SCUBE1: variants seen among roughly 807,000 people sequenced by gnomAD.
SCUBE1 encodes signal peptide, CUB and EGF-like domain-containing protein 1.
In SCUBE1, 59 loss-of-function variants were observed where a neutral mutation model predicts 124.4. That is an observed-to-expected ratio of 0.47 (90% CI 0.38 to 0.59). The LOEUF (loss-of-function observed/expected upper bound fraction) is 0.59. Ranked by LOEUF, SCUBE1 falls within the 20% of genes least tolerant of loss-of-function variation. SCUBE1 has a pLI of 0.00. For missense variants in SCUBE1, 1,150 were observed against 1,371.2 expected (o/e 0.84, Z 2.55); for synonymous variants, 545 against 550.9 (o/e 0.99, Z 0.15).
At chr22:43,323,352 C>A (rs1569030905) in intron 2 of SCUBE1, among the ~76,000 whole-genome samples, 1 of 152,134 alleles carries the variant, frequency 6.6e-6, no homozygotes, top group Non-Finnish European at 1.5e-5. Context: ...CACCCTCAAC[C>A]TATCCATTCA....
Position 43,210,814 on chromosome 22 carries a change from T to G in SCUBE1, c.2383+108A>C. On this transcript the variant is annotated intron_variant, in intron 18 of 21. Transcript: ENST00000360835. The surrounding 1 kb of genome is among the most constrained non-coding windows in gnomAD (Gnocchi z 4.5). The stretch of plus-strand genomic sequence containing the variant: ...AGCAGACGGGACGGAGCGGGAGGAG[T>G]CCAGTGTCCTCGTGGAGCTCGTGTG... 1 of 1,311,030 alleles carries G rather than the reference T, an allele frequency of 7.6e-7. No individual in the cohort carries two copies. The highest frequency in any genetic ancestry group is 2.3e-5 in the East Asian group (1 of 42,594). The allele number at this position is 1,311,030 out of a possible 1,614,324, so 81.2% of individuals were successfully genotyped here.
chr22:43,251,500 C>G (rs1001922725), intron 6 of SCUBE1, among the ~76,000 whole-genome samples: 32 of 152,094 alleles, frequency 2.1e-4, no homozygotes, highest in African/African-American at 7.7e-4. Flanking sequence ...CTGGAGGGGC[C>G]CAGCGTGATC....
At position 43,242,403 on chromosome 22, in the gene SCUBE1, C is replaced by T. The variant is rs530139949; in HGVS notation, c.728-3449G>A. 4.6e-5 allele frequency among the ~76,000 whole-genome samples: 7 copies of T among 152,338 alleles called. No individual in the cohort carries two copies. The South Asian group carries it at 1.2e-3, about 27-fold the overall frequency. ...GAGACAGTAAGAAAGCAGGCCAGGC[C>T]GCCTTTACCATGGGGCCCCTCCAAA... On this transcript the variant is annotated intron_variant, in intron 6 of 21. Transcript: ENST00000360835.
Position 43,286,351 on chromosome 22 carries a change from T to C in SCUBE1, c.484+4695A>G, listed in dbSNP as rs182453672. Among the ~76,000 whole-genome samples the C allele has an allele frequency of 3.4e-3, 524 of 152,352 alleles. 2 individuals carry two copies. Among genetic ancestry groups the C allele is most frequent in the Admixed American group, 8.0e-3 (123 of 15,306 alleles). On this transcript the variant is annotated intron_variant, in intron 4 of 21. Coordinates refer to ENST00000360835, the MANE Select transcript of SCUBE1 (RefSeq NM_173050.5). ...CCCGCTGTGAGCCTGTGCTGTCTCCTACAATGATGGAGACAATGCGACGTT... is the reference window on the plus strand; with the variant it reads ...CCCGCTGTGAGCCTGTGCTGTCTCCCACAATGATGGAGACAATGCGACGTT...
intron 4 of SCUBE1, among the ~76,000 whole-genome samples, chr22:43,268,910 G>A (rs1218809391): frequency 6.6e-6 from 1 of 152,224 alleles, no homozygotes; most frequent in Admixed American, 6.5e-5. Flanking sequence ...AGAGGCTGTT[G>A]CTATCACTCT....
At chr22:43,297,741 C>T (rs538561284) in intron 3 of SCUBE1, among the ~76,000 whole-genome samples, 22 of 152,340 alleles carry the variant, frequency 1.4e-4, no homozygotes, top group African/African-American at 5.1e-4. Flanking sequence ...CTACTTTGGA[C>T]CAAGAGTCCA....
At chr22:43,286,717 G>A (rs1172258793) in intron 4 of SCUBE1, among the ~76,000 whole-genome samples, 1 of 152,206 alleles carries the variant, frequency 6.6e-6, no homozygotes, top group East Asian at 1.9e-4. Context: ...CAGGCTGAAA[G>A]CTTCCCAGTG....
chr22:43,219,231 G>A (rs138998), intron 14 of SCUBE1, among the ~76,000 whole-genome samples: 1 of 151,644 alleles, frequency 6.6e-6, no homozygotes, highest in Non-Finnish European at 1.5e-5. Context: ...TCTACTAGTC[G>A]CCACGAGATG....
At chr22:43,214,047 G>GGGC in intron 16 of SCUBE1, 43 bp downstream of exon 16, 2 of 143,440 alleles carry the variant, frequency 1.4e-5, no homozygotes, top group Non-Finnish European at 1.3e-5. Context: ...AGGAGCCCCC[G>GGGC]CCCACCCCCC....
rs768188803 is a variant in SCUBE1, at chr22:43,308,947, C to T, written c.349+10990G>A. Reference sequence around the variant, plus strand: ...AACACAGCAGAGCTCAAATTGAAGTCGCGATGTCACATGACCCCTCAGTCA... The same window carrying T: ...AACACAGCAGAGCTCAAATTGAAGTTGCGATGTCACATGACCCCTCAGTCA... On this transcript the variant is annotated intron_variant, in intron 3 of 21. Coordinates refer to ENST00000360835, the MANE Select transcript of SCUBE1 (RefSeq NM_173050.5). Among the ~76,000 whole-genome samples, 9 of 152,360 alleles carry T rather than the reference C, an allele frequency of 5.9e-5. No homozygotes were observed. In the East Asian group the frequency reaches 1.5e-3, roughly 26 times the overall value.
intron 17 of SCUBE1, 93 bp downstream of exon 17, chr22:43,212,332 A>C (rs7364122): frequency 7.3e-7 from 1 of 1,371,134 alleles, no homozygotes; most frequent in Non-Finnish European, 9.9e-7. Flanking sequence ...GGTTCGCCAC[A>C]TGGAGGAGAT....
rs562535774 is a variant in SCUBE1 at position 43,258,349 on chromosome 22, A to T, written c.611-14T>A. On this transcript the variant is annotated splice_polypyrimidine_tract_variant and intron_variant, in intron 5 of 21. Transcript: ENST00000360835. This position sits in a 1 kb window ranked among gnomAD's most constrained non-coding sequence, Gnocchi z 5.0. ...AATTACAGGTTACTAGTTAGGCCCA[A>T]AGTGTACACACGGGTGTATAAACAG... is the stretch of plus-strand genomic sequence containing the variant. 13 of 1,558,020 alleles carry T rather than the reference A, an allele frequency of 8.3e-6. No homozygotes were observed. In the African/African-American group the frequency reaches 1.6e-4, roughly 19 times the overall value.
At chr22:43,330,878 T>G (rs543183804) in intron 2 of SCUBE1, among the ~76,000 whole-genome samples, 27 of 152,304 alleles carry the variant, frequency 1.8e-4, no homozygotes, top group East Asian at 9.6e-4. Flanking sequence ...ACTTTCATCT[T>G]CGGCAGAGCA....
At position 43,218,435 on chromosome 22, in the gene SCUBE1, G is replaced by T. The variant is rs775841272; in HGVS notation, c.1711C>A (p.Arg571=). Reference sequence around the variant, plus strand: ...TGCAGGCTCTGTTCTGCTCGCTTCCGCAAGCAGTCCGCTTCGCATGTGTCT... The same window carrying T: ...TGCAGGCTCTGTTCTGCTCGCTTCCTCAAGCAGTCCGCTTCGCATGTGTCT... ...ASDTCEADCL[R]KRAEQSLQAA... The change falls in exon 15 of 22, where the codon CGG becomes AGG. Residue 571 remains arginine, a synonymous_variant. Coordinates refer to ENST00000360835, the MANE Select transcript of SCUBE1 (RefSeq NM_173050.5). 2 of 1,612,336 alleles carry T rather than the reference G, an allele frequency of 1.2e-6. No homozygotes were observed. Among genetic ancestry groups the T allele is most frequent in the Non-Finnish European group, 1.7e-6 (2 of 1,180,030 alleles).
chr22:43,267,197 G>C (rs896753249), intron 4 of SCUBE1, among the ~76,000 whole-genome samples: 1 of 152,180 alleles, frequency 6.6e-6, no homozygotes, highest in African/African-American at 2.4e-5. Context: ...GGGGAGACAT[G>C]AGCTTCATTC....
rs1406639816 is a variant in SCUBE1, at chr22:43,200,745, C to T, written c.*3252G>A. The stretch of plus-strand genomic sequence containing the variant: ...CTGGCGACCTCGCGCTCCTCATGGC[C>T]TCTCCCGTGGGCTGGGAGCTATAGA... On this transcript the variant is annotated 3_prime_UTR_variant, in exon 22 of 22. Coordinates refer to ENST00000360835, the MANE Select transcript of SCUBE1 (RefSeq NM_173050.5). 2 of 152,260 alleles carry T rather than the reference C, an allele frequency of 1.3e-5. No individual in the cohort carries two copies. Among genetic ancestry groups the T allele is most frequent in the African/African-American group, 4.8e-5 (2 of 41,446 alleles). 9.4% of individuals were successfully genotyped at this position (152,260 alleles called of 1,614,324 possible).
chr22:43,298,918 G>A (rs1212517157), intron 3 of SCUBE1, among the ~76,000 whole-genome samples: 6 of 152,160 alleles, frequency 3.9e-5, no homozygotes, highest in Non-Finnish European at 7.4e-5. Flanking sequence ...CGGGCATGGT[G>A]GCGGGTGCCT....
At chr22:43,213,703 C>T (rs529260273) in intron 16 of SCUBE1, 1 of 162,104 alleles carries the variant, frequency 6.2e-6, no homozygotes, top group South Asian at 2.0e-4. Flanking sequence ...GCAAAGTGTT[C>T]CAGTTGTAAT....
chr22:43,235,180 G>T (rs372566797), intron 7 of SCUBE1, among the ~76,000 whole-genome samples: 2 of 152,222 alleles, frequency 1.3e-5, no homozygotes, highest in East Asian at 1.9e-4. Flanking sequence ...ACAATGGAGC[G>T]GGTCTGAGGG....
Sources: allele counts gnomAD v4.1 joint callset (sites outside exome capture counted in the v4.1 genomes callset), GRCh38; gene constraint gnomAD v4.1.1; non-coding constraint Gnocchi (gnomAD v3.1); transcripts MANE v1.5; gene names NCBI Gene and HGNC (gene_info 2026-07-23, HGNC 2026-07-21).